The following RRN3 variants were observed in gnomAD, a reference collection of about 807,000 sequenced individuals.
The protein encoded by RRN3 is RNA polymerase I transcription factor RRN3, also known as RNA polymerase I-specific transcription initiation factor RRN3.
RRN3 carries 38 observed loss-of-function variants against 82.3 expected under a neutral mutation model. The ratio of observed to expected loss-of-function variants is 0.46; its 90% CI spans 0.36 to 0.61. The LOEUF (loss-of-function observed/expected upper bound fraction) is 0.61. RRN3 is among the 20% of genes least tolerant of loss of function. The pLI, the probability that RRN3 is intolerant of heterozygous loss-of-function variation, is 0.00. For missense variants in RRN3, 726 were observed against 793.1 expected (o/e 0.92, Z 1.02); for synonymous variants, 284 against 284.3 (o/e 1.00, Z 0.01).
chr16:15,092,127 C>T (rs1327867738), intron 2 of RRN3, among the ~76,000 whole-genome samples: 4 of 152,024 alleles, frequency 2.6e-5, no homozygotes, highest in African/African-American at 4.8e-5. Context: ...TGCAGTGAGC[C>T]GAGGTCACGC....
intron 7 of RRN3, chr16:15,083,838 T>A (rs8060236): frequency 0.55 from 198,209 of 361,274 alleles, 57,723 homozygotes; most frequent in Admixed American, 0.65. Flanking sequence ...TGCCTCAACC[T>A]CCCAAACAGC....
chr16:15,068,389 T>C (rs1227477693), intron 14 of RRN3, 112 bp from the exon 15 acceptor site: 2 of 1,365,996 alleles, frequency 1.5e-6, no homozygotes, highest in Admixed American at 5.7e-5. Context: ...TAAAAAATTA[T>C]TTGCAGAAAT....
chr16:15,063,150 C>G, intron 17 of RRN3, 46 bp downstream of exon 17: 1 of 1,355,600 alleles, frequency 7.4e-7, no homozygotes, highest in Non-Finnish European at 1.1e-6. Flanking sequence ...TGACCTGGAA[C>G]CAGAAAGGAG....
At chr16:15,085,158 A>G (rs1388644140) in intron 6 of RRN3, among the ~76,000 whole-genome samples, 2 of 152,244 alleles carry the variant, frequency 1.3e-5, no homozygotes, top group Non-Finnish European at 2.9e-5. Context: ...TAATTTCAAG[A>G]TTTTTCTCCA....
intron 9 of RRN3, 23 bp from the exon 10 acceptor site, chr16:15,076,673 A>C (rs1331500952): frequency 6.7e-7 from 1 of 1,490,270 alleles, no homozygotes; most frequent in Non-Finnish European, 9.4e-7. Flanking sequence ...GAGAAAAAAA[A>C]AGAATAAAAG....
At chr16:15,065,509 T>C in intron 15 of RRN3, 138 bp from the exon 16 acceptor site, 1 of 653,122 alleles carries the variant, frequency 1.5e-6, no homozygotes, top group East Asian at 2.7e-5. Flanking sequence ...AATAACAATA[T>C]AAAGCAGAAA....
chr16:15,066,226 A>C (rs1436938697), intron 15 of RRN3, among the ~76,000 whole-genome samples: 1 of 152,154 alleles, frequency 6.6e-6, no homozygotes, highest in Non-Finnish European at 1.5e-5. Flanking sequence ...GGTTTGCACT[A>C]TCAGGTAAAG....
chr16:15,091,188 C>T, intron 3 of RRN3, 127 bp downstream of exon 3: 1 of 1,082,854 alleles, frequency 9.2e-7, no homozygotes, highest in Non-Finnish European at 1.3e-6. Flanking sequence ...TTGAGAACCA[C>T]CAGATTAAAA....
intron 17 of RRN3, 152 bp from the exon 18 acceptor site, chr16:15,062,057 T>C: frequency 1.4e-6 from 1 of 728,768 alleles, no homozygotes; most frequent in East Asian, 2.8e-5. Context: ...CACACGCCTG[T>C]AGTCCCAGCT....
At chr16:15,066,841 CTT>C (rs1195900798) in intron 15 of RRN3, among the ~76,000 whole-genome samples, 1 of 151,862 alleles carries the variant, frequency 6.6e-6, no homozygotes, top group Admixed American at 6.6e-5. Context: ...TAGGCAGAGA[CTT>C]TTATTTCAAT....
chr16:15,092,797 T>A (rs189971656), intron 1 of RRN3, among the ~76,000 whole-genome samples, 183 bp from the exon 2 acceptor site: 1 of 152,196 alleles, frequency 6.6e-6, no homozygotes, highest in East Asian at 1.9e-4. Context: ...GTCTTCCCAC[T>A]GCACTTACAG....
intron 7 of RRN3, among the ~76,000 whole-genome samples, chr16:15,084,190 A>T (rs2045822017): frequency 6.6e-6 from 1 of 152,228 alleles, no homozygotes; most frequent in Non-Finnish European, 1.5e-5. Context: ...TTTTTAAAAG[A>T]AGAAAAAATC....
chr16:15,086,163 C>T lies in RRN3; in HGVS notation c.438G>A (p.Pro146=), dbSNP rs369978373. The change falls in exon 5 of 18, where the codon CCG becomes CCA. Residue 146 remains proline, a synonymous_variant. Coordinates refer to ENST00000198767, the MANE Select transcript of RRN3 (RefSeq NM_018427.5). ...AATGGGAAGCAATCATGCTGAGACACGGTCTGAGGAAAACAGTCTGTGCTG... is the reference window on the plus strand; with the variant it reads ...AATGGGAAGCAATCATGCTGAGACATGGTCTGAGGAAAACAGTCTGTGCTG... ...LVSAQTVFLR[P]CLSMIASHFV... 18 of 1,606,422 alleles carry T rather than the reference C, an allele frequency of 1.1e-5. 1 individual carries two copies. Among genetic ancestry groups the T allele is most frequent in the Middle Eastern group, 3.3e-4 (2 of 6,054 alleles).
Position 15,061,799 on chromosome 16 carries a change from G to A in RRN3, c.1901C>T (p.Pro634Leu). The change falls in exon 18 of 18, where the codon CCT (proline) becomes CTT (leucine). Residue 634 changes from proline (P) to leucine (L), a missense_variant. Physicochemically the swap from Pro to Leu is moderately conservative, Grantham distance 98. Around this residue, in one of 4 missense-constraint regions of RRN3, gnomAD observed 166 missense variants for 154.8 expected, o/e 1.07. Transcript: ENST00000198767. ...GGGTGGGGAGCCCACACTACTTGAA[G>A]GACTTCGGAAATGCGTGTCAAAGGA... ...PSSFDTHFRS[P>L]SSSVGSPPVL... 1.2e-6 allele frequency: 2 copies of A among 1,614,152 alleles called. No homozygotes were observed. Among genetic ancestry groups the A allele is most frequent in the Non-Finnish European group, 1.7e-6 (2 of 1,179,970 alleles).
At position 15,087,463 on chromosome 16, in the gene RRN3, C is replaced by T. The variant is rs117235048; in HGVS notation, c.253-1009G>A. On this transcript the variant is annotated intron_variant, in intron 3 of 17. Coordinates refer to ENST00000198767, the MANE Select transcript of RRN3 (RefSeq NM_018427.5). ...TCGGTCAAGGCTATCCTCTGTCCAC[C>T]GTCCCACACGCCTCCCTATATGCGG... 1.5e-3 allele frequency among the ~76,000 whole-genome samples: 221 copies of T among 152,304 alleles called. 4 individuals carry two copies. The East Asian group carries it at 0.036, about 25-fold the overall frequency.
intron 9 of RRN3, 117 bp from the exon 10 acceptor site, chr16:15,076,767 T>A: frequency 1.4e-6 from 1 of 694,394 alleles, no homozygotes. Flanking sequence ...TAGTGCCTTA[T>A]ATCACACCCC....
chr16:15,074,549 T>A, intron 11 of RRN3, 174 bp downstream of exon 11: 1 of 457,582 alleles, frequency 2.2e-6, no homozygotes, highest in Non-Finnish European at 3.8e-6. Flanking sequence ...CCCAGTCCCA[T>A]TTTCAAGCTA....
intron 3 of RRN3, among the ~76,000 whole-genome samples, chr16:15,090,973 G>C (rs1260861988): frequency 1.3e-5 from 2 of 150,696 alleles, no homozygotes; most frequent in Admixed American, 1.3e-4. Context: ...GGAAGCATTA[G>C]AGCAGGGTTT....
chr16:15,091,216 G>A (rs1238907286), intron 3 of RRN3, 99 bp downstream of exon 3: 2 of 1,464,886 alleles, frequency 1.4e-6, no homozygotes, highest in African/African-American at 1.4e-5. Context: ...GGACCATGGA[G>A]AGAGCAAGTT....
Sources: allele counts gnomAD v4.1 joint callset (sites outside exome capture counted in the v4.1 genomes callset), GRCh38; gene constraint gnomAD v4.1.1; regional missense constraint gnomAD v4.1.1; transcripts MANE v1.5; gene names NCBI Gene and HGNC (gene_info 2026-07-23, HGNC 2026-07-21).